The following USO1 variants were observed in gnomAD, a reference collection of about 807,000 sequenced individuals.
USO1 encodes general vesicular transport factor p115.
A neutral mutation model predicts 124.5 loss-of-function variants in USO1; 57 were observed. The ratio of observed to expected loss-of-function variants is 0.46; its 90% CI spans 0.37 to 0.57. USO1 has a LOEUF of 0.57. USO1 is among the 20% of genes least tolerant of loss of function. USO1 has a pLI of 0.00. For missense variants in USO1, 900 were observed against 1,040.6 expected (o/e 0.86, Z 1.86); for synonymous variants, 369 against 362.8 (o/e 1.02, Z -0.19).
intron 13 of USO1, among the ~76,000 whole-genome samples, chr4:75,794,886 A>G (rs1390682766): frequency 1.3e-5 from 2 of 152,228 alleles, no homozygotes; most frequent in Admixed American, 1.3e-4. Flanking sequence ...TTTTGTCTTT[A>G]TCACTTATCT....
At chr4:75,758,560 T>C (rs370959228) in intron 4 of USO1, among the ~76,000 whole-genome samples, 1 of 152,196 alleles carries the variant, frequency 6.6e-6, no homozygotes, top group African/African-American at 2.4e-5. Flanking sequence ...ATAGTCACAA[T>C]TTCTTAGACA....
At chr4:75,802,577 A>T (rs1358820389) in intron 17 of USO1, among the ~76,000 whole-genome samples, 1 of 152,130 alleles carries the variant, frequency 6.6e-6, no homozygotes, top group Non-Finnish European at 1.5e-5. Context: ...ATCCTAAGGG[A>T]ATTCTCCAAA....
In USO1 at chr4:75,799,644, T is replaced by C. The variant is rs1722785259; in HGVS notation, c.1475T>C (p.Val492Ala). The C allele has an allele frequency of 3.1e-6, 5 of 1,613,388 alleles. No individual in the cohort carries two copies. Among genetic ancestry groups the C allele is most frequent in the Non-Finnish European group, 4.2e-6 (5 of 1,179,726 alleles). ...LSQGSKIQTRVGLLMLLCTWL... is the reference protein window; with the variant it reads ...LSQGSKIQTRAGLLMLLCTWL... ...CAGGGAAGCAAAATACAAACAAGAG[T>C]TGGATTATTAATGTTGCTTTGTACC... Residue 492 changes from valine (V) to alanine (A), a missense_variant, in exon 14 of 24, where the codon GTT (valine) becomes GCT (alanine). Transcript: ENST00000514213.
At chr4:75,763,836 G>A (rs1721691962) in intron 4 of USO1, among the ~76,000 whole-genome samples, 1 of 152,016 alleles carries the variant, frequency 6.6e-6, no homozygotes, top group African/African-American at 2.4e-5. Flanking sequence ...CGTATAATTG[G>A]TATAATTTCT....
chr4:75,732,514 T>C (rs1479259119), intron 1 of USO1, among the ~76,000 whole-genome samples: 7 of 152,194 alleles, frequency 4.6e-5, no homozygotes, highest in African/African-American at 1.7e-4. Context: ...TTTTTCTTTA[T>C]TTTCCCTTAT....
intron 1 of USO1, among the ~76,000 whole-genome samples, chr4:75,729,685 G>C (rs1368044349): frequency 1.3e-5 from 2 of 151,932 alleles, no homozygotes; most frequent in Non-Finnish European, 2.9e-5. Flanking sequence ...AAAATTCCAA[G>C]CAAGTGTTAA....
At chr4:75,775,894 T>C (rs1310263574) in intron 8 of USO1, among the ~76,000 whole-genome samples, 1 of 152,132 alleles carries the variant, frequency 6.6e-6, no homozygotes, top group African/African-American at 2.4e-5. Flanking sequence ...GGAACAAATG[T>C]GTTGAAAATA....
chr4:75,760,636 CT>C (rs1721578452), intron 4 of USO1: 1 of 397,516 alleles, frequency 2.5e-6, no homozygotes, highest in Non-Finnish European at 4.4e-6. Flanking sequence ...CTGCATGATG[CT>C]TTTAGGCATA....
chr4:75,811,210 C>CAG (rs1042981334), intron 22 of USO1, among the ~76,000 whole-genome samples: 2 of 150,434 alleles, frequency 1.3e-5, no homozygotes, highest in Non-Finnish European at 2.9e-5. Flanking sequence ...GGATGGAGTG[C>CAG]AGTGGCATGA....
At chr4:75,768,298 C>CCA (rs1227083472) in intron 4 of USO1, among the ~76,000 whole-genome samples, 1 of 152,198 alleles carries the variant, frequency 6.6e-6, no homozygotes, top group Non-Finnish European at 1.5e-5. Context: ...CAGGTGGGAG[C>CCA]CACTGTACCT....
chr4:75,763,014 G>A (rs1292314811), intron 4 of USO1, among the ~76,000 whole-genome samples: 2 of 152,208 alleles, frequency 1.3e-5, no homozygotes, highest in East Asian at 3.8e-4. Flanking sequence ...TCTTCACTCT[G>A]AGGACTGATT....
chr4:75,801,915 G>T (rs919210229), intron 17 of USO1, among the ~76,000 whole-genome samples: 2 of 152,202 alleles, frequency 1.3e-5, no homozygotes, highest in Admixed American at 6.5e-5. Flanking sequence ...CGCCTCCCAG[G>T]TTCAAGCAAT....
intron 4 of USO1, chr4:75,760,463 C>T (rs1721574113): frequency 2.7e-6 from 1 of 371,788 alleles, no homozygotes; most frequent in South Asian, 1.5e-4. Context: ...ACATATGGAT[C>T]TCTTCTTCCA....
Position 75,806,472 on chromosome 4 carries a change from T to C in USO1, c.2290-14T>C. 6.4e-7 allele frequency: 1 copy of C among 1,552,880 alleles called. No individual in the cohort carries two copies. The highest frequency in any genetic ancestry group is 2.0e-5 in the Admixed American group (1 of 51,190). On this transcript the variant is annotated splice_polypyrimidine_tract_variant and intron_variant, in intron 19 of 23. Coordinates refer to ENST00000514213, the MANE Select transcript of USO1 (RefSeq NM_003715.4). ...CTGAATATATTTTATAGTTTATTTT[T>C]GTGCTATTTGCAGAAATCTTCCCAA...
At chr4:75,807,817 TAA>T (rs1723038097) in intron 20 of USO1, among the ~76,000 whole-genome samples, 1 of 152,146 alleles carries the variant, frequency 6.6e-6, no homozygotes, top group South Asian at 2.1e-4. Flanking sequence ...GATATTTTTA[TAA>T]AAAGAGAATT....
chr4:75,727,379 T>C (rs945438067), intron 1 of USO1, among the ~76,000 whole-genome samples: 1 of 152,222 alleles, frequency 6.6e-6, no homozygotes, highest in Admixed American at 6.5e-5. Flanking sequence ...TGTTCTTGCC[T>C]AACTTTGAGT....
intron 1 of USO1, among the ~76,000 whole-genome samples, chr4:75,737,294 T>G (rs1720820033): frequency 6.6e-6 from 1 of 152,182 alleles, no homozygotes; most frequent in Non-Finnish European, 1.5e-5. Context: ...TAAAACACAT[T>G]AGGACAGAGT....
Position 75,813,024 on chromosome 4 carries a change from A to G in USO1, c.2800-182A>G, listed in dbSNP as rs569817450. Among the ~76,000 whole-genome samples, 8 of 152,228 alleles carry G rather than the reference A, an allele frequency of 5.3e-5. No individual in the cohort carries two copies. The South Asian group carries it at 8.3e-4, about 16-fold the overall frequency. On this transcript the variant is annotated intron_variant, in intron 23 of 23. Coordinates refer to ENST00000514213, the MANE Select transcript of USO1 (RefSeq NM_003715.4). Reference sequence around the variant, plus strand: ...GCTACTCGGGAGGCTGAGACAGGATAATCGCTTGAACCTGGCAGGCAGAGG... The same window carrying G: ...GCTACTCGGGAGGCTGAGACAGGATGATCGCTTGAACCTGGCAGGCAGAGG...
At chr4:75,763,764 G>T (rs941159220) in intron 4 of USO1, among the ~76,000 whole-genome samples, 12 of 152,112 alleles carry the variant, frequency 7.9e-5, no homozygotes, top group African/African-American at 2.4e-4. Flanking sequence ...AGCTATAAAG[G>T]TTGTAATCTA....
Sources: gnomAD v4.1 joint callset for allele counts (sites outside exome capture counted in the v4.1 genomes callset) on GRCh38, gnomAD v4.1.1 for gene constraint, MANE v1.5 for transcripts, NCBI Gene and HGNC (gene_info 2026-07-23, HGNC 2026-07-21) for gene names.